The following PCDHGA11 variants were observed in gnomAD, a reference collection of about 807,000 sequenced individuals.
PCDHGA11 encodes protocadherin gamma-A11.
Under a neutral mutation model 60.4 loss-of-function variants are expected in PCDHGA11, and 39 were observed. The observed-to-expected ratio is 0.65, with a 90% CI of 0.50 to 0.84. The LOEUF is 0.84. Among genes scored for constraint, PCDHGA11 ranks in the 40% least tolerant of loss-of-function variants. PCDHGA11 has a pLI of 0.00. For missense variants in PCDHGA11, 1,165 were observed against 1,197.7 expected (o/e 0.97, Z 0.40); for synonymous variants, 533 against 510.3 (o/e 1.04, Z -0.60).
intron 1 of PCDHGA11, among the ~76,000 whole-genome samples, chr5:141,446,193 T>C (rs1402824950): frequency 6.6e-6 from 1 of 152,208 alleles, no homozygotes; most frequent in East Asian, 1.9e-4. Flanking sequence ...TTTATTATTA[T>C]ATTCCTAGGT....
chr5:141,442,796 T>G (rs909745554), intron 1 of PCDHGA11, among the ~76,000 whole-genome samples: 16 of 152,326 alleles, frequency 1.1e-4, no homozygotes, highest in African/African-American at 3.8e-4. Context: ...AATTTTACTT[T>G]GATATTCAAA....
At chr5:141,464,923 A>G (rs544281066) in intron 1 of PCDHGA11, among the ~76,000 whole-genome samples, 3 of 151,406 alleles carry the variant, frequency 2.0e-5, no homozygotes, top group Non-Finnish European at 4.4e-5. Flanking sequence ...ATTTTTTTGT[A>G]GAGATGTGAG....
rs768354664 is a variant in PCDHGA11 at position 141,485,690 on chromosome 5, A to C, written c.2434-9117A>C. On this transcript the variant is annotated intron_variant, in intron 1 of 3. Coordinates refer to ENST00000398587, the MANE Select transcript of PCDHGA11 (RefSeq NM_018914.3). This position sits in a 1 kb window ranked among gnomAD's most constrained non-coding sequence, Gnocchi z 5.7. ...CAATTCGATTAGCAGCTATAGGCTG[A>C]GCTCCAATGAACACTTTGCACTGGA... 1.6e-5 allele frequency: 26 copies of C among 1,614,106 alleles called. No individual in the cohort carries two copies. In the South Asian group the frequency reaches 2.7e-4, roughly 17 times the overall value.
rs749817501 is a variant in PCDHGA11 at position 141,423,756 on chromosome 5, G to GT, written c.2433+96_2433+97insT. ...GCCTGTTATGAAAACTGTTTGGGGGGGGGGTGGGGCGGCATATATTTAGTT... is the reference window on the plus strand; with the variant it reads ...GCCTGTTATGAAAACTGTTTGGGGGGTGGGGTGGGGCGGCATATATTTAGTT... On this transcript the variant is annotated intron_variant, in intron 1 of 3. Transcript: ENST00000398587. 9 of 448,538 alleles carry GT rather than the reference G, an allele frequency of 2.0e-5. 1 individual carries two copies. Among genetic ancestry groups the GT allele is most frequent in the African/African-American group, 2.8e-5 (1 of 35,670 alleles). 27.8% of individuals were successfully genotyped at this position (448,538 alleles called of 1,614,324 possible).
At chr5:141,446,766 C>T (rs1335326278) in intron 1 of PCDHGA11, among the ~76,000 whole-genome samples, 7 of 152,208 alleles carry the variant, frequency 4.6e-5, no homozygotes, top group East Asian at 3.9e-4. Context: ...CGCGCCCAGC[C>T]GGTTACCATT....
chr5:141,476,551 C>A lies in PCDHGA11; in HGVS notation c.2434-18256C>A, dbSNP rs367700651. 6.2e-7 allele frequency: 1 copy of A among 1,614,196 alleles called. No individual in the cohort carries two copies. The highest frequency in any genetic ancestry group is 1.7e-5 in the Admixed American group (1 of 60,028). ...CCCAGGAAATGAAATTGGAGATTAG[C>A]GAGGCCGTGGCTCCGGGGACGCGCT... On this transcript the variant is annotated intron_variant, in intron 1 of 3. Transcript: ENST00000398587. This position sits in a 1 kb window ranked among gnomAD's most constrained non-coding sequence, Gnocchi z 7.6.
In PCDHGA11 at chr5:141,487,522, T is replaced by C. The variant is rs764726787; in HGVS notation, c.2434-7285T>C. 2 of 1,614,166 alleles carry C rather than the reference T, an allele frequency of 1.2e-6. No individual in the cohort carries two copies. The highest frequency in any genetic ancestry group is 1.7e-6 in the Non-Finnish European group (2 of 1,180,022). ...TGGCTTCTGCACCCACTCGGAGTGATAGCTTCATGATGGTGAAGTCACCCA... is the reference window on the plus strand; with the variant it reads ...TGGCTTCTGCACCCACTCGGAGTGACAGCTTCATGATGGTGAAGTCACCCA... On this transcript the variant is annotated intron_variant, in intron 1 of 3. Coordinates refer to ENST00000398587, the MANE Select transcript of PCDHGA11 (RefSeq NM_018914.3). This position sits in a 1 kb window ranked among gnomAD's most constrained non-coding sequence, Gnocchi z 5.0.
At chr5:141,464,995 G>A (rs1330469198) in intron 1 of PCDHGA11, among the ~76,000 whole-genome samples, 1 of 151,962 alleles carries the variant, frequency 6.6e-6, no homozygotes, top group East Asian at 1.9e-4. Context: ...TCCCACCTCA[G>A]CCTCCCAAAG....
intron 1 of PCDHGA11, chr5:141,484,904 C>A: frequency 2.5e-6 from 1 of 405,682 alleles, no homozygotes; most frequent in Non-Finnish European, 4.4e-6. Context: ...TCCAATGCTG[C>A]GACGCATTAA....
intron 1 of PCDHGA11, among the ~76,000 whole-genome samples, chr5:141,424,889 G>A (rs1173725674): frequency 6.6e-6 from 1 of 152,090 alleles, no homozygotes; most frequent in Non-Finnish European, 1.5e-5. Flanking sequence ...ACTTATCTAG[G>A]GTTTTTGATC....
At chr5:141,461,893 G>A (rs2099025951) in intron 1 of PCDHGA11, among the ~76,000 whole-genome samples, 1 of 151,772 alleles carries the variant, frequency 6.6e-6, no homozygotes, top group African/African-American at 2.4e-5. Context: ...GCACGATCTC[G>A]GCTCACTGCA....
intron 1 of PCDHGA11, among the ~76,000 whole-genome samples, chr5:141,469,864 C>T (rs963843852): frequency 6.6e-6 from 1 of 152,218 alleles, no homozygotes; most frequent in African/African-American, 2.4e-5. Flanking sequence ...GGTGCAATGG[C>T]TCACGCCTGT....
chr5:141,431,227 C>A lies in PCDHGA11; in HGVS notation c.2433+7567C>A, dbSNP rs759752051. On this transcript the variant is annotated intron_variant, in intron 1 of 3. Transcript: ENST00000398587. This position sits in a 1 kb window ranked among gnomAD's most constrained non-coding sequence, Gnocchi z 4.8. Reference sequence around the variant, plus strand: ...CTGAGATGCGGTTCCCTCTACCCCACGCCTGGGATCCGGATATCGGGAAGA... The same window carrying A: ...CTGAGATGCGGTTCCCTCTACCCCAAGCCTGGGATCCGGATATCGGGAAGA... 6.2e-7 allele frequency: 1 copy of A among 1,614,180 alleles called. No homozygotes were observed. The highest frequency in any genetic ancestry group is 8.5e-7 in the Non-Finnish European group (1 of 1,180,042).
At chr5:141,424,577 A>T (rs958508704) in intron 1 of PCDHGA11, 1 of 152,206 alleles carries the variant, frequency 6.6e-6, no homozygotes, top group Non-Finnish European at 1.5e-5. Context: ...ACCTATTTTC[A>T]AATGTGCTAA....
chr5:141,481,085 A>T (rs1200522212), intron 1 of PCDHGA11, among the ~76,000 whole-genome samples: 1 of 152,192 alleles, frequency 6.6e-6, no homozygotes, highest in African/African-American at 2.4e-5. Flanking sequence ...AAGAAAAAAG[A>T]AAAGCAGTAC....
chr5:141,487,386 G>C lies in PCDHGA11; in HGVS notation c.2434-7421G>C. On this transcript the variant is annotated intron_variant, in intron 1 of 3. Coordinates refer to ENST00000398587, the MANE Select transcript of PCDHGA11 (RefSeq NM_018914.3). The surrounding 1 kb of genome is among the most constrained non-coding windows in gnomAD (Gnocchi z 5.0). Reference sequence around the variant, plus strand: ...ACCTGTGCCTGTCTCACCAGATCTCGAAGGAGGGAGGGGCTTCCCCCTTCC... The same window carrying C: ...ACCTGTGCCTGTCTCACCAGATCTCCAAGGAGGGAGGGGCTTCCCCCTTCC... The C allele has an allele frequency of 1.2e-6, 2 of 1,614,164 alleles. No homozygotes were observed. Among genetic ancestry groups the C allele is most frequent in the South Asian group, 1.1e-5 (1 of 91,084 alleles).
Position 141,440,827 on chromosome 5 carries a change from A to G in PCDHGA11, c.2433+17167A>G, listed in dbSNP as rs570022849. 7 of 152,196 alleles carry G rather than the reference A, an allele frequency of 4.6e-5. 1 individual carries two copies. The highest frequency in any genetic ancestry group is 1.4e-4 in the African/African-American group (6 of 41,526). 9.4% of individuals were successfully genotyped at this position (152,196 alleles called of 1,614,324 possible). A position where few individuals can be genotyped will look rare whatever the true frequency, so the allele number is the denominator to read the frequency against. ...GCAGCATCACTCAACTCCTGATCCT[A>G]TTGGTTGAAGCCAATGACAACCCTG... On this transcript the variant is annotated intron_variant, in intron 1 of 3. Transcript: ENST00000398587.
In PCDHGA11 at chr5:141,485,770, T is replaced by A. The variant is rs1199757869; in HGVS notation, c.2434-9037T>A. The A allele has an allele frequency of 6.2e-7, 1 of 1,614,180 alleles. No homozygotes were observed. The highest frequency in any genetic ancestry group is 1.1e-5 in the South Asian group (1 of 91,080). On this transcript the variant is annotated intron_variant, in intron 1 of 3. Transcript: ENST00000398587. This position sits in a 1 kb window ranked among gnomAD's most constrained non-coding sequence, Gnocchi z 5.7. ...TCCCAGAGCTGCTCCTGGAGAAGCC[T>A]TTGGATCGAGAGAAGCAATCGGACT... is the stretch of plus-strand genomic sequence containing the variant.
Position 141,485,943 on chromosome 5 carries a change from C to CG in PCDHGA11, c.2434-8861dup, listed in dbSNP as rs1562109052. ...ATTAGTGTGTTGGAGAGCGCACCAG[C>CG]GGGCATGGTGCTCATCCAGCTCAAT... On this transcript the variant is annotated intron_variant, in intron 1 of 3. Coordinates refer to ENST00000398587, the MANE Select transcript of PCDHGA11 (RefSeq NM_018914.3). The surrounding 1 kb of genome is among the most constrained non-coding windows in gnomAD (Gnocchi z 5.7). The CG allele has an allele frequency of 1.2e-6, 2 of 1,614,126 alleles. No individual in the cohort carries two copies. Among genetic ancestry groups the CG allele is most frequent in the Non-Finnish European group, 1.7e-6 (2 of 1,180,012 alleles).
Sources: gnomAD v4.1 joint callset for allele counts (sites outside exome capture counted in the v4.1 genomes callset) on GRCh38, gnomAD v4.1.1 for gene constraint, Gnocchi (gnomAD v3.1) non-coding constraint, MANE v1.5 for transcripts, NCBI Gene and HGNC (gene_info 2026-07-23, HGNC 2026-07-21) for gene names.